Variants in TRIO observed in about 807,000 individuals in gnomAD.
The protein encoded by TRIO is trio Rho guanine nucleotide exchange factor.
In TRIO, 58 loss-of-function variants were observed where a neutral mutation model predicts 351.9. That is an observed-to-expected ratio of 0.16 (90% confidence interval 0.13 to 0.21). The LOEUF (loss-of-function observed/expected upper bound fraction) is 0.21. Ranked by LOEUF, TRIO falls within the 10% of genes least tolerant of loss-of-function variation. The pLI, the probability that TRIO is intolerant of heterozygous loss-of-function variation, is 1.00. For synonymous variants in TRIO, 1,758 were observed against 1,595.7 expected, an observed-to-expected ratio of 1.10 and a Z score of -2.42; for missense variants, 3,201 against 4,027.8, an observed-to-expected ratio of 0.79 and a Z score of 5.56.
chr5:14,388,522 G>T (rs2152362503), intron 23 of TRIO, 91 bp from the exon 24 acceptor site: 1 of 1,252,976 alleles, frequency 8.0e-7, no homozygotes, highest in South Asian at 1.3e-5. Flanking sequence ...AATACTTTTA[G>T]ACCCACTCTG....
chr5:14,161,897 T>G (rs1788479264), intron 1 of TRIO, among the ~76,000 whole-genome samples: 1 of 152,090 alleles, frequency 6.6e-6, no homozygotes, highest in Non-Finnish European at 1.5e-5. Context: ...TGGCTAGTTT[T>G]TTGTAGAAAT....
chr5:14,488,879 A>G (rs1756254758), intron 48 of TRIO: 2 of 739,428 alleles, frequency 2.7e-6, no homozygotes, highest in Non-Finnish European at 2.5e-6. Flanking sequence ...GCGGCTCTGC[A>G]GTGCAGGCTG....
rs1757030591 is a variant in TRIO at position 14,498,267 on chromosome 5, T to TC, written c.8210+18dup. 1 of 1,608,676 alleles carries TC rather than the reference T, an allele frequency of 6.2e-7. No individual in the cohort carries two copies. The highest frequency in any genetic ancestry group is 1.3e-5 in the African/African-American group (1 of 74,950). On this transcript the variant is annotated intron_variant, in intron 52 of 56. Coordinates refer to ENST00000344204, the MANE Select transcript of TRIO (RefSeq NM_007118.4). ...TCTCCTACAGGTGAGGGAGGCCCAC[T>TC]CCTGGTGGGTTTCGCTGGCTGGGAG...
At chr5:14,464,730 G>A (rs1321394870) in intron 36 of TRIO, among the ~76,000 whole-genome samples, 4 of 152,206 alleles carry the variant, frequency 2.6e-5, no homozygotes, top group Non-Finnish European at 5.9e-5. Context: ...AGGACAGCCC[G>A]CTGTGGGTCG....
intron 31 of TRIO, among the ~76,000 whole-genome samples, chr5:14,402,055 G>T (rs931460708): frequency 6.6e-6 from 1 of 152,176 alleles, no homozygotes; most frequent in Non-Finnish European, 1.5e-5. Context: ...TTGTTTTGCA[G>T]TGAATATGTG....
intron 1 of TRIO, among the ~76,000 whole-genome samples, chr5:14,223,445 G>A (rs1212290107): frequency 6.6e-6 from 1 of 152,186 alleles, no homozygotes; most frequent in Non-Finnish European, 1.5e-5. Flanking sequence ...ATAGGAGGCT[G>A]GTGTAAGTTG....
chr5:14,279,187 A>C lies in TRIO; in HGVS notation c.233-1135A>C, dbSNP rs1415453626. Among the ~76,000 whole-genome samples the C allele has an allele frequency of 3.3e-5, 5 of 152,252 alleles. No homozygotes were observed. The South Asian group carries it at 6.2e-4, about 19-fold the overall frequency. Reference sequence around the variant, plus strand: ...TCTAGATTACATGACTGAACAGTACATGTGGATTGCTTTAAGTATTCCCAA... The same window carrying C: ...TCTAGATTACATGACTGAACAGTACCTGTGGATTGCTTTAAGTATTCCCAA... On this transcript the variant is annotated intron_variant, in intron 2 of 56. Coordinates refer to ENST00000344204, the MANE Select transcript of TRIO (RefSeq NM_007118.4).
intron 28 of TRIO, among the ~76,000 whole-genome samples, chr5:14,394,674 C>A (rs1482558071): frequency 6.6e-6 from 1 of 152,164 alleles, no homozygotes; most frequent in Non-Finnish European, 1.5e-5. Context: ...CCCCTCGCGG[C>A]ACACCTTGTC....
At position 14,508,394 on chromosome 5, in the gene TRIO, T is replaced by C. The variant is rs749709896; in HGVS notation, c.9266T>C (p.Leu3089Pro). ...CCTATCCGTAGCATTAAAAACTTTC[T>C]GCAGAGCAGGCTTCTGCCTAGAGTT... ...VRPIRSIKNF[L>P]QSRLLPRV Residue 3089 changes from leucine (L) to proline (P), a missense_variant, in exon 57 of 57, where the codon CTG (leucine) becomes CCG (proline). By Grantham distance (98) the Leu-to-Pro change is moderately conservative (BLOSUM62 -3). Coordinates refer to ENST00000344204, the MANE Select transcript of TRIO (RefSeq NM_007118.4). 5.0e-6 allele frequency: 8 copies of C among 1,611,900 alleles called. 1 individual carries two copies. The highest frequency in any genetic ancestry group is 3.3e-5 in the South Asian group (3 of 91,012).
intron 34 of TRIO, among the ~76,000 whole-genome samples, chr5:14,456,165 G>A (rs577987464): frequency 6.6e-6 from 1 of 152,256 alleles, no homozygotes; most frequent in African/African-American, 2.4e-5. Context: ...CACTCGGAGT[G>A]CAGGGCCCGC....
intron 34 of TRIO, among the ~76,000 whole-genome samples, chr5:14,446,299 C>G (rs1272569438): frequency 6.6e-6 from 1 of 152,176 alleles, no homozygotes; most frequent in Non-Finnish European, 1.5e-5. Flanking sequence ...GGAGAGACAG[C>G]GTTTGAACCC....
intron 48 of TRIO, chr5:14,490,942 A>G: frequency 2.3e-6 from 1 of 440,156 alleles, no homozygotes; most frequent in South Asian, 1.6e-5. Context: ...ATGAGTATGC[A>G]CAAGCCAAAG....
At chr5:14,368,409 C>A (rs1378454181) in intron 16 of TRIO, among the ~76,000 whole-genome samples, 1 of 152,178 alleles carries the variant, frequency 6.6e-6, no homozygotes, top group African/African-American at 2.4e-5. Flanking sequence ...ACTTCTTTGG[C>A]TGTTAAGGGT....
chr5:14,179,547 G>A (rs1242788851), intron 1 of TRIO, among the ~76,000 whole-genome samples: 3 of 150,944 alleles, frequency 2.0e-5, no homozygotes, highest in Non-Finnish European at 4.4e-5. Context: ...GCAGCCTTGA[G>A]CTCCGCTGAA....
At chr5:14,306,937 TAAAC>T (rs1370431146) in intron 8 of TRIO, among the ~76,000 whole-genome samples, 1 of 152,180 alleles carries the variant, frequency 6.6e-6, no homozygotes, top group Non-Finnish European at 1.5e-5. Flanking sequence ...GATAGGAAGT[TAAAC>T]AGCCTCTCAA....
intron 11 of TRIO, among the ~76,000 whole-genome samples, chr5:14,346,304 G>A (rs4702029): frequency 0.23 from 34,781 of 152,118 alleles, 4,595 homozygotes; most frequent in Middle Eastern, 0.36. Context: ...TGGTCTCCTC[G>A]AGGGGAGCAC....
intron 13 of TRIO, among the ~76,000 whole-genome samples, chr5:14,362,571 T>G (rs1363353554): frequency 6.6e-6 from 1 of 152,240 alleles, no homozygotes; most frequent in African/African-American, 2.4e-5. Context: ...ATTCAGTGTT[T>G]GTTCACTTGT....
chr5:14,420,531 T>G (rs929688201), intron 34 of TRIO: 4 of 153,260 alleles, frequency 2.6e-5, no homozygotes, highest in African/African-American at 9.6e-5. Context: ...CAGGAAGAAT[T>G]AGGCTGTTGT....
intron 47 of TRIO, among the ~76,000 whole-genome samples, chr5:14,485,641 G>A (rs1283739640): frequency 6.6e-6 from 1 of 152,108 alleles, no homozygotes; most frequent in Non-Finnish European, 1.5e-5. Context: ...GCATTGGCCA[G>A]AGACATTCAC....
Sources: allele counts gnomAD v4.1 joint callset (sites outside exome capture counted in the v4.1 genomes callset), GRCh38; gene constraint gnomAD v4.1.1; transcripts MANE v1.5; gene names NCBI Gene and HGNC (gene_info 2026-07-23, HGNC 2026-07-21).